The following TENM2 variants were observed in gnomAD, a reference collection of about 807,000 sequenced individuals.
TENM2 encodes teneurin-2.
A neutral mutation model predicts 245.2 loss-of-function variants in TENM2; 52 were observed. That is an observed-to-expected ratio of 0.21 (90% confidence interval 0.17 to 0.27). The LOEUF (loss-of-function observed/expected upper bound fraction) is 0.27, where lower values mean the gene tolerates loss of function less well. TENM2 is among the 10% of genes least tolerant of loss of function. The probability of loss-of-function intolerance (pLI) is 1.00; values close to 1 mark genes in which losing one functional copy is unlikely to be tolerated. For missense variants in TENM2, 3,046 were observed against 3,666.8 expected (o/e 0.83, Z 4.37); for synonymous variants, 1,363 against 1,438.9 (o/e 0.95, Z 1.19).
At chr5:167,177,678 G>A in the TENM2 span, among the ~76,000 whole-genome samples, 1 of 152,144 alleles carries the variant, frequency 6.6e-6, no homozygotes, top group Non-Finnish European at 1.5e-5. Flanking sequence ...ACCAGAGGGA[G>A]GTGGCTCCCC....
At chr5:167,253,836 T>C in the TENM2 span, among the ~76,000 whole-genome samples, 1 of 152,078 alleles carries the variant, frequency 6.6e-6, no homozygotes, top group Non-Finnish European at 1.5e-5. Flanking sequence ...ACAACCTAAA[T>C]TTGTTTAAAG....
At chr5:167,045,350 T>C in the TENM2 span, among the ~76,000 whole-genome samples, 1 of 152,200 alleles carries the variant, frequency 6.6e-6, no homozygotes, top group Admixed American at 6.5e-5. Context: ...TTAAATGAGA[T>C]GGTGTCTGTA....
chr5:167,858,979 G>A (rs1771369112), intron 2 of TENM2, among the ~76,000 whole-genome samples: 2 of 146,238 alleles, frequency 1.4e-5, no homozygotes, highest in South Asian at 2.2e-4. Flanking sequence ...CCATCGTCTG[G>A]GATGTGAGGA....
At chr5:167,844,527 G>A in intron 2 of TENM2, among the ~76,000 whole-genome samples, 1 of 152,188 alleles carries the variant, frequency 6.6e-6, no homozygotes, top group African/African-American at 2.4e-5. Context: ...ACACAGCCTT[G>A]TTGTGTTATT....
At chr5:168,051,108 G>T (rs1789046281) in intron 6 of TENM2, among the ~76,000 whole-genome samples, 1 of 152,172 alleles carries the variant, frequency 6.6e-6, no homozygotes, top group African/African-American at 2.4e-5. Context: ...GATTGGCCAG[G>T]CCCAGGGAAA....
chr5:168,199,375 C>A (rs1263107976), intron 16 of TENM2, among the ~76,000 whole-genome samples: 1 of 152,246 alleles, frequency 6.6e-6, no homozygotes, highest in Non-Finnish European at 1.5e-5. Context: ...TGCAACCCAC[C>A]TGCAAATTGC....
intron 3 of TENM2, among the ~76,000 whole-genome samples, chr5:167,939,705 A>T (rs1455681661): frequency 6.6e-6 from 1 of 152,210 alleles, no homozygotes; most frequent in Non-Finnish European, 1.5e-5. Flanking sequence ...TCTTCCTGAA[A>T]GAAGCGGAAT....
rs565188296 is a variant in TENM2, at chr5:167,787,510, C to T, written c.503-88476C>T. Among the ~76,000 whole-genome samples the T allele has an allele frequency of 3.3e-5, 5 of 152,258 alleles. No homozygotes were observed. The South Asian group carries it at 1.0e-3, about 32-fold the overall frequency. ...CAGGATGGATATCTATCATGCTTTC[C>T]CTTCTCACTTTGTTCAGGGCCTGCA... On this transcript the variant is annotated intron_variant, in intron 2 of 28. Coordinates refer to ENST00000518659, the Ensembl canonical transcript of TENM2.
At chr5:167,025,492 A>C in the TENM2 span, among the ~76,000 whole-genome samples, 2 of 152,336 alleles carry the variant, frequency 1.3e-5, no homozygotes, top group Admixed American at 1.3e-4. Flanking sequence ...TAATTAAATA[A>C]AATTAAAAAC....
At chr5:167,476,893 C>G (rs548583962) in intron 2 of TENM2, among the ~76,000 whole-genome samples, 2 of 152,246 alleles carry the variant, frequency 1.3e-5, no homozygotes, top group East Asian at 3.9e-4. Flanking sequence ...GCCACTGTGC[C>G]CAGCCAATAG....
chr5:167,071,081 C>T, the TENM2 span, among the ~76,000 whole-genome samples: 10 of 152,168 alleles, frequency 6.6e-5, no homozygotes, highest in African/African-American at 2.2e-4. Context: ...AGTTAGTCGG[C>T]GGGAAGGCAC....
intron 2 of TENM2, among the ~76,000 whole-genome samples, chr5:167,707,616 T>C (rs574737491): frequency 6.6e-6 from 1 of 152,270 alleles, no homozygotes; most frequent in African/African-American, 2.4e-5. Flanking sequence ...AATAAAGTGG[T>C]TTTGAAAATG....
chr5:167,115,506 G>A, the TENM2 span, among the ~76,000 whole-genome samples: 1 of 152,064 alleles, frequency 6.6e-6, no homozygotes, highest in African/African-American at 2.4e-5. Context: ...GTAAGTTCAA[G>A]TATCACTAAA....
chr5:167,328,736 G>A (rs79332197), intron 1 of TENM2, among the ~76,000 whole-genome samples: 1,828 of 152,030 alleles, frequency 0.012, 43 homozygotes, highest in African/African-American at 0.041. Context: ...TTTAGCTCTT[G>A]GCTGAAATAG....
At chr5:168,106,288 T>A (rs1352796176) in intron 9 of TENM2, among the ~76,000 whole-genome samples, 1 of 152,170 alleles carries the variant, frequency 6.6e-6, no homozygotes, top group Non-Finnish European at 1.5e-5. Flanking sequence ...TCCCGTTAAC[T>A]GGCAAATGTT....
chr5:167,974,660 C>T (rs147845589), intron 4 of TENM2, among the ~76,000 whole-genome samples: 23 of 152,214 alleles, frequency 1.5e-4, no homozygotes, highest in Admixed American at 3.3e-4. Context: ...TATGAGGAAA[C>T]GAAGATGTAA....
chr5:167,575,859 T>G (rs1774631101), intron 2 of TENM2, among the ~76,000 whole-genome samples: 2 of 152,196 alleles, frequency 1.3e-5, no homozygotes, highest in Non-Finnish European at 2.9e-5. Flanking sequence ...AATCTTGAAG[T>G]AGCTTTTCTC....
At chr5:167,723,585 A>T (rs976710575) in intron 2 of TENM2, among the ~76,000 whole-genome samples, 1 of 151,730 alleles carries the variant, frequency 6.6e-6, no homozygotes, top group Admixed American at 6.6e-5. Flanking sequence ...TTCTTCTCTG[A>T]CCTCCTCTTC....
At chr5:168,149,527 T>A (rs1428001662) in intron 12 of TENM2, 3 of 456,170 alleles carry the variant, frequency 6.6e-6, no homozygotes, top group African/African-American at 6.0e-5. Context: ...CAGAAACACA[T>A]CTAGCATTAG....
Sources: allele counts gnomAD v4.1 joint callset (sites outside exome capture counted in the v4.1 genomes callset), GRCh38; gene constraint gnomAD v4.1.1; transcripts MANE v1.5; gene names NCBI Gene and HGNC (gene_info 2026-07-23, HGNC 2026-07-21).